Variants in MSRA observed in about 807,000 individuals in gnomAD.
MSRA encodes the protein mitochondrial peptide methionine sulfoxide reductase.
In MSRA, 54 loss-of-function variants were observed where a neutral mutation model predicts 31.3. That is an observed-to-expected ratio of 1.73 (90% CI 1.39 to 2.17). The LOEUF (loss-of-function observed/expected upper bound fraction) is 2.17, where lower values mean the gene tolerates loss of function less well. MSRA is among the 30% of genes most tolerant of loss of function. The probability of loss-of-function intolerance (pLI) is 0.00; values close to 1 mark genes in which losing one functional copy is unlikely to be tolerated. For synonymous variants in MSRA, 169 were observed against 116.5 expected, an observed-to-expected ratio of 1.45 and a Z score of -2.90; for missense variants, 507 against 300.9, an observed-to-expected ratio of 1.69 and a Z score of -5.07.
chr8:10,238,314 ATC>A (rs377319754), intron 2 of MSRA, among the ~76,000 whole-genome samples: 1 of 152,242 alleles, frequency 6.6e-6, no homozygotes, highest in Non-Finnish European at 1.5e-5. Context: ...AGCCCACCTG[ATC>A]TCTCTGACCT....
chr8:10,131,724 C>T (rs1801912373), intron 1 of MSRA, among the ~76,000 whole-genome samples: 1 of 152,162 alleles, frequency 6.6e-6, no homozygotes. Flanking sequence ...TCCCTATGGC[C>T]AGTGTCCACC....
At chr8:10,413,831 A>G (rs1047483930) in intron 5 of MSRA, among the ~76,000 whole-genome samples, 1 of 152,234 alleles carries the variant, frequency 6.6e-6, no homozygotes, top group African/African-American at 2.4e-5. Context: ...TGATGGTTAC[A>G]TAACCTTGAA....
At chr8:10,412,192 G>A (rs760612971) in intron 5 of MSRA, among the ~76,000 whole-genome samples, 1 of 152,214 alleles carries the variant, frequency 6.6e-6, no homozygotes, top group Non-Finnish European at 1.5e-5. Flanking sequence ...TCCGTTTTTA[G>A]TCTGAACAAA....
chr8:10,344,320 A>G (rs1328030967), intron 5 of MSRA, among the ~76,000 whole-genome samples: 3 of 152,146 alleles, frequency 2.0e-5, no homozygotes, highest in Non-Finnish European at 2.9e-5. Context: ...CCATCAGGCA[A>G]TCAAAGCCAG....
At chr8:10,131,948 A>G (rs903084553) in intron 1 of MSRA, among the ~76,000 whole-genome samples, 1 of 150,820 alleles carries the variant, frequency 6.6e-6, no homozygotes, top group Non-Finnish European at 1.5e-5. Flanking sequence ...CAAATGACTG[A>G]AGAAGAACTG....
At chr8:10,405,673 C>G (rs1807759548) in intron 5 of MSRA, among the ~76,000 whole-genome samples, 2 of 152,350 alleles carry the variant, frequency 1.3e-5, no homozygotes, top group South Asian at 4.1e-4. Context: ...AGAGGTGAGG[C>G]TTGGAGATGA....
intron 1 of MSRA, among the ~76,000 whole-genome samples, chr8:10,136,237 G>A (rs1222778037): frequency 2.6e-5 from 4 of 152,340 alleles, no homozygotes; most frequent in African/African-American, 4.8e-5. Flanking sequence ...GGTGAAGGGA[G>A]CCAGGCATTC....
intron 2 of MSRA, among the ~76,000 whole-genome samples, chr8:10,217,722 A>G: frequency 6.6e-6 from 1 of 152,168 alleles, no homozygotes; most frequent in Non-Finnish European, 1.5e-5. Context: ...ATATTTTGGT[A>G]TATATCTCTA....
chr8:10,333,509 G>C (rs1309927143), intron 5 of MSRA, among the ~76,000 whole-genome samples: 1 of 152,192 alleles, frequency 6.6e-6, no homozygotes, highest in African/African-American at 2.4e-5. Context: ...TTGGGCAGCA[G>C]TGGCTCTGTA....
chr8:10,069,137 T>C (rs994459844), intron 1 of MSRA, among the ~76,000 whole-genome samples: 3 of 152,214 alleles, frequency 2.0e-5, no homozygotes, highest in Non-Finnish European at 4.4e-5. Context: ...CCTGCACCCT[T>C]GCTGTAATTT....
chr8:10,077,935 T>C (rs1442025272), intron 1 of MSRA, among the ~76,000 whole-genome samples: 2 of 152,236 alleles, frequency 1.3e-5, no homozygotes, highest in African/African-American at 4.8e-5. Flanking sequence ...TCACAGCATC[T>C]TATTCACCCT....
At chr8:10,208,828 C>T (rs975975705) in intron 2 of MSRA, among the ~76,000 whole-genome samples, 2 of 152,246 alleles carry the variant, frequency 1.3e-5, no homozygotes, top group African/African-American at 4.8e-5. Flanking sequence ...CTCTCCTGCT[C>T]TGGTCTTGAT....
At chr8:10,143,971 G>T (rs546770041) in intron 1 of MSRA, among the ~76,000 whole-genome samples, 1 of 152,202 alleles carries the variant, frequency 6.6e-6, no homozygotes, top group African/African-American at 2.4e-5. Flanking sequence ...CGCCACTCCT[G>T]TTGAGGATGT....
intron 1 of MSRA, among the ~76,000 whole-genome samples, chr8:10,081,580 C>T (rs1258776105): frequency 6.6e-6 from 1 of 152,178 alleles, no homozygotes; most frequent in Non-Finnish European, 1.5e-5. Flanking sequence ...ACCTCCGCCT[C>T]CCGGGTTGAA....
intron 2 of MSRA, among the ~76,000 whole-genome samples, chr8:10,233,669 C>G (rs1041642858): frequency 6.6e-5 from 10 of 152,180 alleles, no homozygotes; most frequent in Non-Finnish European, 8.8e-5. Flanking sequence ...ATCAATTAAT[C>G]AGCAGTTAAA....
intron 3 of MSRA, among the ~76,000 whole-genome samples, chr8:10,253,142 G>C (rs1249367077): frequency 6.6e-6 from 1 of 152,164 alleles, no homozygotes; most frequent in African/African-American, 2.4e-5. Flanking sequence ...CAATCCTGCT[G>C]TCCTCGAATG....
At chr8:10,255,088 C>T (rs1342681056) in intron 3 of MSRA, among the ~76,000 whole-genome samples, 2 of 152,240 alleles carry the variant, frequency 1.3e-5, no homozygotes, top group African/African-American at 2.4e-5. Flanking sequence ...CCAGCACTGT[C>T]CTCAGTATTC....
At chr8:10,283,807 A>G (rs1277221752) in intron 3 of MSRA, among the ~76,000 whole-genome samples, 34 of 32,628 alleles carry the variant, frequency 1.0e-3, no homozygotes, top group African/African-American at 2.9e-3. Flanking sequence ...TATCTCATAT[A>G]TATATATATA....
intron 1 of MSRA, among the ~76,000 whole-genome samples, chr8:10,063,560 C>CG (rs1797316186): frequency 6.6e-6 from 1 of 152,164 alleles, no homozygotes; most frequent in African/African-American, 2.4e-5. Flanking sequence ...TCCTCACCCC[C>CG]CCAGGTGATG....
Sources: allele counts gnomAD v4.1 joint callset (sites outside exome capture counted in the v4.1 genomes callset), GRCh38; gene constraint gnomAD v4.1.1; transcripts MANE v1.5; gene names NCBI Gene and HGNC (gene_info 2026-07-23, HGNC 2026-07-21).